The following HINT1 variants were observed in gnomAD, a reference collection of about 807,000 sequenced individuals.
HINT1 encodes adenosine 5'-monophosphoramidase HINT1.
In HINT1, 12 loss-of-function variants were observed where a neutral mutation model predicts 11.2. The ratio of observed to expected loss-of-function variants is 1.07; its 90% CI spans 0.69 to 1.74. The LOEUF (loss-of-function observed/expected upper bound fraction) is 1.74, where lower values mean the gene tolerates loss of function less well. Ranked by LOEUF, HINT1 falls within the 40% of genes most tolerant of loss-of-function variation. HINT1 has a pLI of 0.00. For synonymous variants in HINT1, 42 were observed against 52.6 expected (o/e 0.80, Z 0.87); for missense variants, 150 against 161.8 (o/e 0.93, Z 0.40).
chr5:131,165,069 CGA>C, intron 1 of HINT1, 24 bp downstream of exon 1: 1 of 1,613,306 alleles, frequency 6.2e-7, no homozygotes, highest in Non-Finnish European at 8.5e-7. Context: ...CCTCAGCAGG[CGA>C]GAGAGGTGGT....
intron 1 of HINT1, 81 bp downstream of exon 1, chr5:131,165,014 T>C: frequency 6.3e-7 from 1 of 1,590,396 alleles, no homozygotes; most frequent in African/African-American, 1.3e-5. Flanking sequence ...TCGCGACCCC[T>C]CCTCTCCCTC....
chr5:131,164,946 C>T (rs1309694765), intron 1 of HINT1, 149 bp downstream of exon 1: 2 of 1,192,750 alleles, frequency 1.7e-6, no homozygotes, highest in Non-Finnish European at 1.2e-6. Flanking sequence ...GGGCCCTGTC[C>T]GCTGGCTGGG....
In HINT1 at chr5:131,162,679, A is replaced by G. The variant is rs1755289061; in HGVS notation, c.112-3T>C. Reference sequence around the variant, plus strand: ...GAAATGTCATGGAAAGCAAGGCACTAGGGAAAAGAGAAATAAATAAATAAA... The same window carrying G: ...GAAATGTCATGGAAAGCAAGGCACTGGGGAAAAGAGAAATAAATAAATAAA... On this transcript the variant is annotated splice_region_variant and splice_polypyrimidine_tract_variant and intron_variant, in intron 1 of 2. Transcript: ENST00000304043. 3 of 1,556,766 alleles carry G rather than the reference A, an allele frequency of 1.9e-6. No individual in the cohort carries two copies. The highest frequency in any genetic ancestry group is 2.6e-6 in the Non-Finnish European group (3 of 1,136,132).
Position 131,159,627 on chromosome 5 carries a change from A to C in HINT1, c.217-16T>G. ...GTCCAAGAAGCTGGAAAAGGAAAAA[A>C]AGTTTCTTAGGCACAGGCAATTTAT... On this transcript the variant is annotated splice_polypyrimidine_tract_variant and intron_variant, in intron 2 of 2. Transcript: ENST00000304043. 6.2e-7 allele frequency: 1 copy of C among 1,603,250 alleles called. No homozygotes were observed. Among genetic ancestry groups the C allele is most frequent in the Non-Finnish European group, 8.5e-7 (1 of 1,173,986 alleles).
In HINT1 at chr5:131,162,583, C is replaced by T. The variant is rs1755283658; in HGVS notation, c.205G>A (p.Asp69Asn). The T allele has an allele frequency of 1.2e-6, 2 of 1,610,784 alleles. No individual in the cohort carries two copies. The highest frequency in any genetic ancestry group is 1.7e-6 in the Non-Finnish European group (2 of 1,177,098). Residue 69 changes from aspartate to asparagine, a missense_variant, in exon 2 of 3, where the codon GAT becomes AAT. Asp to Asn is a conservative substitution (Grantham distance 23). Transcript: ENST00000304043. ...AGAAATGTACTTACACTTTCATCAT[C>T]ATCTTCTGCCACAGAAATCTGGGAT... ...HISQISVAED[D>N]DESLLGHLMI...
intron 2 of HINT1, chr5:131,160,689 G>T: frequency 8.1e-7 from 1 of 1,235,598 alleles, no homozygotes; most frequent in Non-Finnish European, 1.0e-6. Flanking sequence ...TGTACAGATG[G>T]ACAATGGACA....
intron 2 of HINT1, among the ~76,000 whole-genome samples, chr5:131,161,195 A>T (rs1444991453): frequency 6.6e-6 from 1 of 152,232 alleles, no homozygotes; most frequent in East Asian, 1.9e-4. Context: ...CTAATTTAGA[A>T]TGTTAACTGA....
chr5:131,163,898 A>T (rs1194086944), intron 1 of HINT1, among the ~76,000 whole-genome samples: 2 of 152,206 alleles, frequency 1.3e-5, no homozygotes, highest in Non-Finnish European at 2.9e-5. Flanking sequence ...CAAAATGCTG[A>T]TTCATTTAGA....
At position 131,165,224 on chromosome 5, in the gene HINT1, C is replaced by A. The variant is rs755234100; in HGVS notation, c.-19G>T. ...CTGCCATCTCGGCCTCTCTCCCGCG[C>A]GGCGGCCAGAGGAGAGGCTCGGAAG... On this transcript the variant is annotated 5_prime_UTR_variant, in exon 1 of 3. Coordinates refer to ENST00000304043, the MANE Select transcript of HINT1 (RefSeq NM_005340.7). 1.9e-6 allele frequency: 3 copies of A among 1,601,302 alleles called. No homozygotes were observed. The highest frequency in any genetic ancestry group is 8.5e-7 in the Non-Finnish European group (1 of 1,179,188).
chr5:131,163,089 G>A (rs978553389), intron 1 of HINT1, among the ~76,000 whole-genome samples: 4 of 152,056 alleles, frequency 2.6e-5, no homozygotes, highest in Non-Finnish European at 2.9e-5. Flanking sequence ...CACCTGCCTC[G>A]GCCTCCCAGA....
intron 1 of HINT1, among the ~76,000 whole-genome samples, 195 bp downstream of exon 1, chr5:131,164,900 C>G (rs921584461): frequency 6.6e-6 from 1 of 151,722 alleles, no homozygotes; most frequent in Non-Finnish European, 1.5e-5. Flanking sequence ...GTAACCGGAG[C>G]GCCGGCACGC....
At position 131,159,434 on chromosome 5, in the gene HINT1, C is replaced by A. The variant is rs1057521446; in HGVS notation, c.*13G>T. ...CATTGCCTAAAGAAGAGAAAATTAT[C>A]CCCAAAACGTGCTTAACCAGGAGGC... On this transcript the variant is annotated 3_prime_UTR_variant, in exon 3 of 3. Coordinates refer to ENST00000304043, the MANE Select transcript of HINT1 (RefSeq NM_005340.7). 1.9e-6 allele frequency: 3 copies of A among 1,607,810 alleles called. No individual in the cohort carries two copies. Among genetic ancestry groups the A allele is most frequent in the South Asian group, 1.1e-5 (1 of 90,718 alleles).
chr5:131,159,168 A>T lies in HINT1; in HGVS notation c.*279T>A, dbSNP rs926413630. 2.6e-4 allele frequency: 74 copies of T among 286,374 alleles called. No homozygotes were observed. Among genetic ancestry groups the T allele is most frequent in the African/African-American group, 1.6e-3 (74 of 46,904 alleles). The allele number at this position is 286,374 out of a possible 1,614,324, so 17.7% of individuals were successfully genotyped here. A position where few individuals can be genotyped will look rare whatever the true frequency, so the allele number is the denominator to read the frequency against. ...ACACCATTAAAACAATGCGATGTTC[A>T]TATGTTGAGTCCTCCTTGGGAAGAA... On this transcript the variant is annotated 3_prime_UTR_variant, in exon 3 of 3. Transcript: ENST00000304043.
In HINT1 at chr5:131,159,535, A is replaced by G. The variant is rs774340662; in HGVS notation, c.293T>C (p.Val98Ala). 3 of 1,613,816 alleles carry G rather than the reference A, an allele frequency of 1.9e-6. No individual in the cohort carries two copies. The African/African-American group carries it at 4.0e-5, about 22-fold the overall frequency. Residue 98 changes from valine to alanine, a missense_variant, in exon 3 of 3, where the codon GTG becomes GCG. Coordinates refer to ENST00000304043, the MANE Select transcript of HINT1 (RefSeq NM_005340.7). ...CTGTCCACCATCTGAACCTTCATTC[A>G]CCACCATTCGATAACCCTTATTCAG... Reference protein sequence around the residue: ...LGLNKGYRMVVNEGSDGGQSV... With the variant: ...LGLNKGYRMVANEGSDGGQSV...
intron 2 of HINT1, among the ~76,000 whole-genome samples, chr5:131,160,397 G>GT (rs1755220157): frequency 6.6e-6 from 1 of 152,126 alleles, no homozygotes; most frequent in Non-Finnish European, 1.5e-5. Context: ...GAGTCTATTT[G>GT]TATGTTGCCA....
In HINT1 at chr5:131,164,820, C is replaced by T. The variant is rs537137770; in HGVS notation, c.111+275G>A. On this transcript the variant is annotated intron_variant, in intron 1 of 2. Transcript: ENST00000304043. ...GCGGGGGCCCCAGTGCGCCCCGACA[C>T]GCGCCCAGGCCCCGCGGTGCGGCAC... is the stretch of plus-strand genomic sequence containing the variant. Among the ~76,000 whole-genome samples, 272 of 152,030 alleles carry T rather than the reference C, an allele frequency of 1.8e-3. 2 individuals are homozygous for T. Among genetic ancestry groups the T allele is most frequent in the African/African-American group, 6.3e-3 (262 of 41,524 alleles).
intron 1 of HINT1, 53 bp from the exon 2 acceptor site, chr5:131,162,729 A>G: frequency 8.4e-7 from 1 of 1,194,888 alleles, no homozygotes; most frequent in Non-Finnish European, 1.2e-6. Context: ...TATTGGTAGG[A>G]TAAAACTTAT....
At chr5:131,164,993 C>G in intron 1 of HINT1, 102 bp downstream of exon 1, 1 of 1,529,422 alleles carries the variant, frequency 6.5e-7, no homozygotes, top group South Asian at 1.2e-5. Flanking sequence ...CCCCTCCCGT[C>G]GCCGCTACAC....
Position 131,165,130 on chromosome 5 carries a change from C to A in HINT1, c.76G>T (p.Glu26Ter). The A allele has an allele frequency of 1.2e-6, 2 of 1,613,352 alleles. No homozygotes were observed. The highest frequency in any genetic ancestry group is 1.7e-6 in the Non-Finnish European group (2 of 1,179,934). ...TCAAAAATGATTTTGGCTGGTATTT[C>A]CTTGCGGATGATCTTCCCAAAGATC... ...DTIFGKIIRKEIPAKIIFEDD... is the reference protein window; with the variant it reads ...DTIFGKIIRK Residue 26 changes from glutamate to a stop codon, truncating the protein, a stop_gained, in exon 1 of 3, where the codon GAA (glutamate) becomes TAA (stop). Coordinates refer to ENST00000304043, the MANE Select transcript of HINT1 (RefSeq NM_005340.7). LOFTEE classifies it high-confidence loss of function.
Sources: gnomAD v4.1 joint callset for allele counts (sites outside exome capture counted in the v4.1 genomes callset) on GRCh38, gnomAD v4.1.1 for gene constraint, MANE v1.5 for transcripts, NCBI Gene and HGNC (gene_info 2026-07-23, HGNC 2026-07-21) for gene names.